SYT17: variants seen among roughly 807,000 people sequenced by gnomAD.
SYT17 encodes synaptotagmin-17.
In SYT17, 22 loss-of-function variants were observed where a neutral mutation model predicts 46.7. The observed-to-expected ratio is 0.47, with a 90% CI of 0.34 to 0.67. SYT17 has a LOEUF of 0.67. SYT17 is among the 30% of genes least tolerant of loss of function. SYT17 has a pLI of 0.01. For synonymous variants in SYT17, 251 were observed against 248.4 expected (o/e 1.01, Z -0.10); for missense variants, 519 against 612.8 (o/e 0.85, Z 1.62).
intron 7 of SYT17, among the ~76,000 whole-genome samples, chr16:19,241,379 A>G (rs570470601): frequency 5.3e-5 from 8 of 151,380 alleles, no homozygotes; most frequent in African/African-American, 1.5e-4. Flanking sequence ...CCAAGAGTGC[A>G]TAGATGCCTG....
chr16:19,245,999 A>G (rs1967525841), intron 7 of SYT17, among the ~76,000 whole-genome samples: 1 of 151,640 alleles, frequency 6.6e-6, no homozygotes, highest in Non-Finnish European at 1.5e-5. Flanking sequence ...TATATTTTGT[A>G]TATTATTTAT....
chr16:19,241,899 G>GC (rs1434458322), intron 7 of SYT17, among the ~76,000 whole-genome samples: 1 of 152,148 alleles, frequency 6.6e-6, no homozygotes, highest in African/African-American at 2.4e-5. Context: ...CCCCGCAACT[G>GC]CCCCCCACCA....
At chr16:19,171,298 G>GATC in intron 1 of SYT17, 1 of 80,460 alleles carries the variant, frequency 1.2e-5, no homozygotes, top group South Asian at 2.3e-4. Flanking sequence ...CTATGATGAT[G>GATC]ATGATGATGA....
At chr16:19,189,958 C>G (rs1407657104) in intron 5 of SYT17, among the ~76,000 whole-genome samples, 1 of 152,204 alleles carries the variant, frequency 6.6e-6, no homozygotes, top group African/African-American at 2.4e-5. Context: ...CATCTTTGAT[C>G]TTGGCATTCA....
intron 5 of SYT17, among the ~76,000 whole-genome samples, chr16:19,212,401 A>C (rs1319282226): frequency 1.3e-5 from 2 of 152,132 alleles, no homozygotes; most frequent in Admixed American, 6.5e-5. Flanking sequence ...TGGGCAGATC[A>C]CTTGAGGTCA....
At position 19,189,399 on chromosome 16, in the gene SYT17, C is replaced by G. The variant is rs148812717; in HGVS notation, c.951+5252C>G. On this transcript the variant is annotated intron_variant, in intron 5 of 7. Coordinates refer to ENST00000355377, the MANE Select transcript of SYT17 (RefSeq NM_016524.4). ...TCTGTCACCCAGGCTGGATTGCAGT[C>G]GTGTAATCATGGCTCAATGCAGCCT... 1.3e-3 allele frequency among the ~76,000 whole-genome samples: 193 copies of G among 144,250 alleles called. 7 individuals carry two copies. The East Asian group carries it at 0.03, about 22-fold the overall frequency. The allele number at this position is 144,250 out of a possible 152,430, so 94.6% of individuals were successfully genotyped here. A position where few individuals can be genotyped will look rare whatever the true frequency, so the allele number is the denominator to read the frequency against.
At chr16:19,188,893 C>T (rs944035925) in intron 5 of SYT17, among the ~76,000 whole-genome samples, 1 of 152,106 alleles carries the variant, frequency 6.6e-6, no homozygotes, top group African/African-American at 2.4e-5. Context: ...TGTCTCTTCT[C>T]TTCTTTTTTT....
intron 7 of SYT17, among the ~76,000 whole-genome samples, chr16:19,240,564 C>G (rs977856795): frequency 6.6e-6 from 1 of 152,164 alleles, no homozygotes; most frequent in Non-Finnish European, 1.5e-5. Context: ...CTGATTGGTC[C>G]ATGGGCAGCC....
chr16:19,251,228 G>A (rs1390732326), intron 7 of SYT17, among the ~76,000 whole-genome samples: 1 of 152,138 alleles, frequency 6.6e-6, no homozygotes, highest in African/African-American at 2.4e-5. Flanking sequence ...ACTCATAAAA[G>A]GTCATCAGGA....
At position 19,262,251 on chromosome 16, in the gene SYT17, A is replaced by T. The variant is rs1969030198; in HGVS notation, c.1229-4629A>T. On this transcript the variant is annotated intron_variant, in intron 7 of 7. Coordinates refer to ENST00000355377, the MANE Select transcript of SYT17 (RefSeq NM_016524.4). ...CCTAATCCCCATGTGGGAGGTGATT[A>T]GACCATGAAGGCTCTGTCCTCATGA... 1.3e-5 allele frequency among the ~76,000 whole-genome samples: 2 copies of T among 152,212 alleles called. 1 individual carries two copies. The highest frequency in any genetic ancestry group is 1.3e-4 in the Admixed American group (2 of 15,278).
intron 1 of SYT17, chr16:19,171,684 C>G (rs996176691): frequency 1.3e-5 from 2 of 152,052 alleles, no homozygotes; most frequent in African/African-American, 4.8e-5. Flanking sequence ...TTTATTTTTA[C>G]TTTAAAAAAA....
At chr16:19,181,169 CT>C (rs1458452244) in intron 4 of SYT17, among the ~76,000 whole-genome samples, 1 of 152,150 alleles carries the variant, frequency 6.6e-6, no homozygotes, top group Non-Finnish European at 1.5e-5. Context: ...GTGAAACATT[CT>C]TACTTTCAAG....
At chr16:19,228,062 G>T (rs935826621) in intron 7 of SYT17, among the ~76,000 whole-genome samples, 1 of 151,620 alleles carries the variant, frequency 6.6e-6, no homozygotes, top group East Asian at 1.9e-4. Context: ...GGGGTGGGGG[G>T]GTATGACAGA....
chr16:19,242,292 A>G (rs765159637), intron 7 of SYT17, among the ~76,000 whole-genome samples: 18 of 152,346 alleles, frequency 1.2e-4, no homozygotes, highest in Admixed American at 3.9e-4. Flanking sequence ...ATTACTCTAA[A>G]TTTGATATAT....
chr16:19,175,258 T>G (rs993663586), intron 3 of SYT17, among the ~76,000 whole-genome samples: 1 of 152,192 alleles, frequency 6.6e-6, no homozygotes, highest in African/African-American at 2.4e-5. Flanking sequence ...ACAAACACAA[T>G]GTTAAAGAAC....
At chr16:19,228,319 A>G in intron 7 of SYT17, among the ~76,000 whole-genome samples, 1 of 152,284 alleles carries the variant, frequency 6.6e-6, no homozygotes, top group Middle Eastern at 3.4e-3. Flanking sequence ...TGTACTCTCC[A>G]TTCACAGAAG....
rs1487810492 is a variant in SYT17, at chr16:19,177,985, CAGT to C, written c.183-2405_183-2403del. Among the ~76,000 whole-genome samples, 4 of 152,254 alleles carry C rather than the reference CAGT, an allele frequency of 2.6e-5. No individual in the cohort carries two copies. In the East Asian group the frequency reaches 7.7e-4, roughly 29 times the overall value. ...GCTTAGCTGGGGTTCTGCCTTTTAA[CAGT>C]GGTGCAAATTAGTTATTCATCCTTC... On this transcript the variant is annotated intron_variant, in intron 3 of 7. Coordinates refer to ENST00000355377, the MANE Select transcript of SYT17 (RefSeq NM_016524.4).
chr16:19,221,221 AT>A (rs1966307650), intron 5 of SYT17, among the ~76,000 whole-genome samples: 1 of 150,058 alleles, frequency 6.7e-6, no homozygotes, highest in Non-Finnish European at 1.5e-5. Flanking sequence ...GAGAGAGAGA[AT>A]GAGGAATCTG....
At chr16:19,250,081 T>A (rs1597026864) in intron 7 of SYT17, 1 of 1,523,694 alleles carries the variant, frequency 6.6e-7, no homozygotes, top group East Asian at 2.5e-5. Flanking sequence ...ATGATTGAGT[T>A]GGTTGTGTGT....
Sources: gnomAD v4.1 joint callset for allele counts (sites outside exome capture counted in the v4.1 genomes callset) on GRCh38, gnomAD v4.1.1 for gene constraint, MANE v1.5 for transcripts, NCBI Gene and HGNC (gene_info 2026-07-23, HGNC 2026-07-21) for gene names.